FHIT: variants seen among roughly 807,000 people sequenced by gnomAD.
FHIT encodes the protein bis(5'-adenosyl)-triphosphatase.
Under a neutral mutation model 17.9 loss-of-function variants are expected in FHIT, and 19 were observed. The observed-to-expected ratio is 1.06, with a 90% CI of 0.74 to 1.56. FHIT has a LOEUF of 1.56. FHIT is among the 40% of genes most tolerant of loss of function. FHIT has a pLI of 0.00. For missense variants in FHIT, 248 were observed against 189.2 expected (o/e 1.31, Z -1.82); for synonymous variants, 81 against 69.7 (o/e 1.16, Z -0.81).
intron 3 of FHIT, among the ~76,000 whole-genome samples, chr3:60,849,060 C>G (rs1208454578): frequency 1.3e-5 from 2 of 152,036 alleles, no homozygotes; most frequent in East Asian, 1.9e-4. Context: ...GTTATCCATG[C>G]AGACTGAATA....
intron 4 of FHIT, among the ~76,000 whole-genome samples, chr3:60,713,114 T>A (rs1316280549): frequency 2.6e-5 from 4 of 152,072 alleles, no homozygotes; most frequent in African/African-American, 9.7e-5. Context: ...GAACTCAGGA[T>A]TAAGAAACTC....
At chr3:60,579,794 C>A (rs925314009) in intron 4 of FHIT, among the ~76,000 whole-genome samples, 9 of 152,050 alleles carry the variant, frequency 5.9e-5, no homozygotes, top group Non-Finnish European at 1.5e-5. Context: ...TCTATGTCAG[C>A]AGATACTTCA....
intron 3 of FHIT, among the ~76,000 whole-genome samples, chr3:60,933,432 A>T (rs1376632428): frequency 2.0e-5 from 3 of 152,224 alleles, no homozygotes; most frequent in African/African-American, 7.2e-5. Flanking sequence ...CTTCTTTTGC[A>T]TATGAAGTCT....
chr3:60,315,348 T>G (rs1299315959), intron 5 of FHIT, among the ~76,000 whole-genome samples: 1 of 152,166 alleles, frequency 6.6e-6, no homozygotes, highest in Non-Finnish European at 1.5e-5. Flanking sequence ...TCTGCTCTTT[T>G]GCATATGTAT....
intron 5 of FHIT, among the ~76,000 whole-genome samples, chr3:60,268,248 T>C (rs1213618440): frequency 2.0e-5 from 3 of 152,212 alleles, no homozygotes; most frequent in Non-Finnish European, 2.9e-5. Context: ...TCCTATAGCA[T>C]TTAGGCTGAG....
intron 5 of FHIT, among the ~76,000 whole-genome samples, chr3:60,246,890 G>A (rs1347350906): frequency 6.6e-6 from 1 of 152,048 alleles, no homozygotes; most frequent in South Asian, 2.1e-4. Flanking sequence ...AGCTGATTAC[G>A]TATTTTAAGT....
intron 4 of FHIT, among the ~76,000 whole-genome samples, chr3:60,749,313 T>C (rs965322355): frequency 9.2e-5 from 14 of 152,178 alleles, no homozygotes; most frequent in Admixed American, 7.9e-4. Flanking sequence ...ACGGTTTTTT[T>C]TCCGCATCTG....
intron 5 of FHIT, among the ~76,000 whole-genome samples, chr3:60,282,500 C>A (rs1330330071): frequency 1.3e-5 from 2 of 152,076 alleles, no homozygotes; most frequent in African/African-American, 4.8e-5. Flanking sequence ...GGATACACGA[C>A]AATATGCATC....
chr3:60,696,266 T>C (rs1314689135), intron 4 of FHIT, among the ~76,000 whole-genome samples: 2 of 152,168 alleles, frequency 1.3e-5, no homozygotes, highest in Non-Finnish European at 2.9e-5. Context: ...AGTTTTAAGG[T>C]TCCTTCTAGA....
intron 2 of FHIT, among the ~76,000 whole-genome samples, chr3:61,166,211 T>C (rs1021800520): frequency 6.6e-6 from 1 of 152,228 alleles, no homozygotes; most frequent in African/African-American, 2.4e-5. Flanking sequence ...ACACATGCTA[T>C]CTGATCTTCA....
intron 4 of FHIT, among the ~76,000 whole-genome samples, chr3:60,710,789 C>T (rs1553704857): frequency 6.6e-6 from 1 of 152,198 alleles, no homozygotes; most frequent in Admixed American, 6.5e-5. Flanking sequence ...CTGGGTGGAG[C>T]CCATCACAGA....
chr3:61,005,980 G>A (rs765523979), intron 3 of FHIT, among the ~76,000 whole-genome samples: 3 of 152,218 alleles, frequency 2.0e-5, no homozygotes, highest in Non-Finnish European at 2.9e-5. Flanking sequence ...GGTGAAAGAA[G>A]GAAGAGCAGG....
chr3:59,896,480 G>A (rs9284900), intron 8 of FHIT, among the ~76,000 whole-genome samples: 39,511 of 152,058 alleles, frequency 0.26, 8,682 homozygotes, highest in African/African-American at 0.6. Context: ...AGGGTAGTTA[G>A]TGTTCATCTA....
At chr3:61,050,331 G>A (rs1010898544) in intron 2 of FHIT, among the ~76,000 whole-genome samples, 1 of 152,174 alleles carries the variant, frequency 6.6e-6, no homozygotes, top group East Asian at 1.9e-4. Flanking sequence ...AAGTTATTGA[G>A]AGGAAGGGGA....
intron 1 of FHIT, among the ~76,000 whole-genome samples, chr3:61,202,640 CT>C (rs1204099727): frequency 6.6e-6 from 1 of 151,992 alleles, no homozygotes; most frequent in African/African-American, 2.4e-5. Flanking sequence ...CAAATGCATA[CT>C]TTCATATATC....
At chr3:61,011,392 C>T (rs571482963) in intron 3 of FHIT, among the ~76,000 whole-genome samples, 2 of 152,224 alleles carry the variant, frequency 1.3e-5, no homozygotes, top group South Asian at 2.1e-4. Context: ...AGGAAGAAAC[C>T]AGCCCTCATA....
chr3:60,098,280 G>T (rs1704047386), intron 5 of FHIT, among the ~76,000 whole-genome samples: 1 of 143,410 alleles, frequency 7.0e-6, no homozygotes, highest in African/African-American at 2.6e-5. Context: ...AGATCCCTGA[G>T]GAATCGCCAC....
chr3:60,882,958 A>C (rs1705043816), intron 3 of FHIT, among the ~76,000 whole-genome samples: 1 of 152,152 alleles, frequency 6.6e-6, no homozygotes, highest in Admixed American at 6.5e-5. Context: ...TCTTAAATAC[A>C]GAAACCCATA....
chr3:60,390,343 CAAT>C (rs1701170382), intron 5 of FHIT, among the ~76,000 whole-genome samples: 1 of 123,842 alleles, frequency 8.1e-6, no homozygotes, highest in Non-Finnish European at 1.6e-5. Flanking sequence ...TATAACATTT[CAAT>C]AATGACAGAT....
Sources: allele counts gnomAD v4.1 joint callset (sites outside exome capture counted in the v4.1 genomes callset), GRCh38; gene constraint gnomAD v4.1.1; transcripts MANE v1.5; gene names NCBI Gene and HGNC (gene_info 2026-07-23, HGNC 2026-07-21).